XIRP2: variants seen among roughly 807,000 people sequenced by gnomAD.
The protein encoded by XIRP2 is xin actin binding repeat containing 2.
A neutral mutation model predicts 277.0 loss-of-function variants in XIRP2; 236 were observed. That is an observed-to-expected ratio of 0.85 (90% CI 0.77 to 0.95). XIRP2 has a LOEUF of 0.95. Ranked by LOEUF, XIRP2 falls within the 40% of genes least tolerant of loss-of-function variation. The pLI, the probability that XIRP2 is intolerant of heterozygous loss-of-function variation, is 0.00. For missense variants in XIRP2, 4,640 were observed against 4,157.5 expected, an observed-to-expected ratio of 1.12 and a Z score of -3.19; for synonymous variants, 1,490 against 1,416.5, an observed-to-expected ratio of 1.05 and a Z score of -1.17.
Position 167,258,451 on chromosome 2 carries a change from GAAGA to G in XIRP2, c.*636_*639del. On this transcript the variant is annotated 3_prime_UTR_variant, in exon 11 of 11. Transcript: ENST00000409195. The stretch of plus-strand genomic sequence containing the variant: ...GAAAAGATGAAAAGAAGGAAGGAAG[GAAGA>G]ATGTGCAAGATAGGCCGAGTGAAGC... 1 of 1,612,654 alleles carries G rather than the reference GAAGA, an allele frequency of 6.2e-7. No homozygotes were observed. The highest frequency in any genetic ancestry group is 8.5e-7 in the Non-Finnish European group (1 of 1,179,298).
In XIRP2 at chr2:167,258,531, A is replaced by G. The variant is rs1478369409; in HGVS notation, c.*714A>G. On this transcript the variant is annotated 3_prime_UTR_variant, in exon 11 of 11. Transcript: ENST00000409195. ...AGTGCTATGGATCTTAATGACAACAATAATGTGATTGTGCAGAGTGCTGAA... is the reference window on the plus strand; with the variant it reads ...AGTGCTATGGATCTTAATGACAACAGTAATGTGATTGTGCAGAGTGCTGAA... The G allele has an allele frequency of 3.7e-6, 6 of 1,613,104 alleles. No homozygotes were observed. The highest frequency in any genetic ancestry group is 1.3e-5 in the African/African-American group (1 of 74,860).
At chr2:167,002,021 T>C (rs1479444173) in intron 2 of XIRP2, among the ~76,000 whole-genome samples, 2 of 152,164 alleles carry the variant, frequency 1.3e-5, no homozygotes, top group Non-Finnish European at 2.9e-5. Context: ...AATATTACCA[T>C]GCTGTTCACT....
intron 3 of XIRP2, among the ~76,000 whole-genome samples, chr2:167,169,287 C>A (rs1445160714): frequency 2.0e-5 from 3 of 152,068 alleles, no homozygotes; most frequent in Non-Finnish European, 4.4e-5. Flanking sequence ...GTTGTGAAGA[C>A]CAGGTAGTGC....
At chr2:167,228,209 T>C (rs1356856138) in intron 5 of XIRP2, among the ~76,000 whole-genome samples, 1 of 152,192 alleles carries the variant, frequency 6.6e-6, no homozygotes, top group East Asian at 1.9e-4. Flanking sequence ...TCTCAACCTC[T>C]GCTAGTCCCA....
At chr2:166,979,364 CTTTTCTT>C (rs1686800303) in intron 2 of XIRP2, among the ~76,000 whole-genome samples, 9 of 115,760 alleles carry the variant, frequency 7.8e-5, no homozygotes, top group East Asian at 2.8e-4. Flanking sequence ...CTTTTCTTTT[CTTTTCTT>C]TTTTTTTTTT....
At chr2:167,040,809 T>G (rs1688640555) in intron 2 of XIRP2, among the ~76,000 whole-genome samples, 1 of 152,018 alleles carries the variant, frequency 6.6e-6, no homozygotes, top group Non-Finnish European at 1.5e-5. Context: ...CCAGATAGCT[T>G]TTGCAGGGTG....
chr2:167,000,394 T>C (rs1321578691), intron 2 of XIRP2, among the ~76,000 whole-genome samples: 1 of 152,138 alleles, frequency 6.6e-6, no homozygotes, highest in Non-Finnish European at 1.5e-5. Context: ...TTTCCTTAAT[T>C]GTTACTTTTT....
At chr2:167,084,774 G>T (rs996437124) in intron 2 of XIRP2, among the ~76,000 whole-genome samples, 6 of 149,614 alleles carry the variant, frequency 4.0e-5, no homozygotes, top group African/African-American at 1.5e-4. Context: ...ATTTCTGTGG[G>T]ATCGGTGGTG....
rs76260462 is a variant in XIRP2 at position 167,170,718 on chromosome 2, C to T, written c.562+34656C>T. On this transcript the variant is annotated intron_variant, in intron 3 of 10. Coordinates refer to ENST00000409195, the MANE Select transcript of XIRP2 (RefSeq NM_152381.6). The stretch of plus-strand genomic sequence containing the variant: ...CTCTATTTTAAGCAATCTTGCTAGA[C>T]GTTAGCAATTTTATTAATTAATAAA... Among the ~76,000 whole-genome samples, 31 of 151,942 alleles carry T rather than the reference C, an allele frequency of 2.0e-4. No individual in the cohort carries two copies. The East Asian group carries it at 5.0e-3, about 25-fold the overall frequency.
At chr2:167,256,743 G>T (rs1241044085) in intron 10 of XIRP2, among the ~76,000 whole-genome samples, 2 of 151,828 alleles carry the variant, frequency 1.3e-5, no homozygotes, top group Non-Finnish European at 2.9e-5. Flanking sequence ...AAATCAGGAT[G>T]GTTTTTCTAA....
At chr2:167,221,026 A>G (rs1041620064) in intron 5 of XIRP2, among the ~76,000 whole-genome samples, 1 of 152,184 alleles carries the variant, frequency 6.6e-6, no homozygotes, top group African/African-American at 2.4e-5. Context: ...TAATGTTAAT[A>G]ATATCCGATA....
At position 167,258,488 on chromosome 2, in the gene XIRP2, A is replaced by C. The variant is rs777715200; in HGVS notation, c.*671A>C. 6.2e-7 allele frequency: 1 copy of C among 1,613,300 alleles called. No individual in the cohort carries two copies. The highest frequency in any genetic ancestry group is 1.3e-5 in the African/African-American group (1 of 74,990). On this transcript the variant is annotated 3_prime_UTR_variant, in exon 11 of 11. Transcript: ENST00000409195. Reference sequence around the variant, plus strand: ...AGATAGGCCGAGTGAAGCTGAAGACACAAAGAGTAACAGGAAAAGTGCTAT... The same window carrying C: ...AGATAGGCCGAGTGAAGCTGAAGACCCAAAGAGTAACAGGAAAAGTGCTAT...
At chr2:166,893,060 T>A (rs1371072907) in intron 1 of XIRP2, among the ~76,000 whole-genome samples, 1 of 151,412 alleles carries the variant, frequency 6.6e-6, no homozygotes, top group Non-Finnish European at 1.5e-5. Flanking sequence ...AGAGAGGGTT[T>A]GCGTGTGCTG....
In XIRP2 at chr2:166,910,250, T is replaced by G. The variant is rs1490225758; in HGVS notation, c.408+6360T>G. ...GTGAATCAGTCTGGTCCTGGACTTT[T>G]TTTGGTTGGTAGGCTATAAATTATT... On this transcript the variant is annotated intron_variant, in intron 2 of 10. Coordinates refer to ENST00000409195, the MANE Select transcript of XIRP2 (RefSeq NM_152381.6). Among the ~76,000 whole-genome samples the G allele has an allele frequency of 2.0e-5, 3 of 152,278 alleles. No individual in the cohort carries two copies. In the East Asian group the frequency reaches 5.8e-4, roughly 29 times the overall value.
intron 2 of XIRP2, among the ~76,000 whole-genome samples, chr2:166,976,207 C>T (rs149456596): frequency 1.3e-3 from 199 of 152,190 alleles, no homozygotes; most frequent in African/African-American, 4.4e-3. Context: ...AAATCAATAT[C>T]CTGATGCTAT....
At chr2:167,083,297 A>G (rs1214386066) in intron 2 of XIRP2, among the ~76,000 whole-genome samples, 2 of 152,040 alleles carry the variant, frequency 1.3e-5, no homozygotes, top group African/African-American at 4.8e-5. Flanking sequence ...TGTTCCATTG[A>G]TCTATATCTC....
intron 2 of XIRP2, among the ~76,000 whole-genome samples, chr2:167,102,102 G>T (rs77720646): frequency 0.02 from 3,020 of 152,236 alleles, 111 homozygotes; most frequent in African/African-American, 0.069. Flanking sequence ...TTAATTGCCA[G>T]TGTAGGAAGG....
intron 2 of XIRP2, among the ~76,000 whole-genome samples, chr2:166,943,431 A>AT (rs1685773637): frequency 6.6e-6 from 1 of 152,192 alleles, no homozygotes; most frequent in Non-Finnish European, 1.5e-5. Context: ...CCACTTTAAA[A>AT]TATCACTGTC....
At chr2:167,033,968 A>G (rs1688437648) in intron 2 of XIRP2, among the ~76,000 whole-genome samples, 2 of 152,220 alleles carry the variant, frequency 1.3e-5, no homozygotes, top group South Asian at 4.1e-4. Context: ...AAGTACACAG[A>G]CAAACACAGA....
Sources: gnomAD v4.1 joint callset for allele counts (sites outside exome capture counted in the v4.1 genomes callset) on GRCh38, gnomAD v4.1.1 for gene constraint, MANE v1.5 for transcripts, NCBI Gene and HGNC (gene_info 2026-07-23, HGNC 2026-07-21) for gene names.